The following CSMD1 variants were observed in gnomAD, a reference collection of about 807,000 sequenced individuals.
CSMD1 encodes CUB and sushi domain-containing protein 1.
A neutral mutation model predicts 417.5 loss-of-function variants in CSMD1; 213 were observed. The observed-to-expected ratio is 0.51, with a 90% CI of 0.46 to 0.57. The LOEUF is 0.57. Among genes scored for constraint, CSMD1 ranks in the 20% least tolerant of loss-of-function variants. CSMD1 has a pLI of 0.00. For missense variants in CSMD1, 6,923 were observed against 4,529.7 expected (o/e 1.53, Z -15.17); for synonymous variants, 2,862 against 1,736.8 (o/e 1.65, Z -16.11).
At chr8:4,138,439 C>G (rs1325072521) in intron 3 of CSMD1, among the ~76,000 whole-genome samples, 3 of 151,844 alleles carry the variant, frequency 2.0e-5, no homozygotes, top group Non-Finnish European at 2.9e-5. Flanking sequence ...CACCTTCTAT[C>G]AAAAAAACAC....
chr8:3,275,225 A>C (rs1802187285), intron 26 of CSMD1, among the ~76,000 whole-genome samples: 1 of 152,176 alleles, frequency 6.6e-6, no homozygotes, highest in Middle Eastern at 3.2e-3. Flanking sequence ...TGGGTTGAAA[A>C]TTCTTTTCTT....
rs373754474 is a variant in CSMD1 at position 4,898,451 on chromosome 8, A to G, written c.85+95881T>C. Among the ~76,000 whole-genome samples, 148 of 152,290 alleles carry G rather than the reference A, an allele frequency of 9.7e-4. 4 individuals carry two copies. The highest frequency in any genetic ancestry group is 3.4e-3 in the African/African-American group (140 of 41,550). On this transcript the variant is annotated intron_variant, in intron 1 of 69. Transcript: ENST00000635120. ...GGTCACAGAAGGACCGCATGGGTGTAGAAAGTGTAAGTGAGAGCCGACCAA... is the reference window on the plus strand; with the variant it reads ...GGTCACAGAAGGACCGCATGGGTGTGGAAAGTGTAAGTGAGAGCCGACCAA...
At chr8:4,063,655 C>T (rs1297827365) in intron 3 of CSMD1, among the ~76,000 whole-genome samples, 2 of 152,202 alleles carry the variant, frequency 1.3e-5, no homozygotes, top group Non-Finnish European at 2.9e-5. Context: ...TGCTGCCTCC[C>T]TGAGGGGCAT....
chr8:4,802,402 T>C (rs1231740153), intron 1 of CSMD1, among the ~76,000 whole-genome samples: 1 of 151,954 alleles, frequency 6.6e-6, no homozygotes, highest in Non-Finnish European at 1.5e-5. Flanking sequence ...AGCATCCCCG[T>C]GGTTAACTTA....
chr8:3,620,059 G>A (rs1238502828), intron 7 of CSMD1, among the ~76,000 whole-genome samples: 1 of 152,118 alleles, frequency 6.6e-6, no homozygotes, highest in Non-Finnish European at 1.5e-5. Context: ...CTGAGACTGT[G>A]CCCCTGCATT....
At chr8:4,105,804 C>A (rs757903557) in intron 3 of CSMD1, among the ~76,000 whole-genome samples, 12 of 152,334 alleles carry the variant, frequency 7.9e-5, no homozygotes, top group Non-Finnish European at 1.6e-4. Context: ...AGTGTCCTTT[C>A]CACTGAGTTA....
At chr8:3,178,939 T>C (rs1821111148) in intron 37 of CSMD1, among the ~76,000 whole-genome samples, 1 of 147,806 alleles carries the variant, frequency 6.8e-6, no homozygotes, top group Non-Finnish European at 1.5e-5. Flanking sequence ...CTTTCTATAA[T>C]CTATATTTCT....
chr8:4,119,375 G>C (rs539989705), intron 3 of CSMD1, among the ~76,000 whole-genome samples: 3 of 152,272 alleles, frequency 2.0e-5, no homozygotes, highest in African/African-American at 7.2e-5. Context: ...TTTTAAAGAG[G>C]TTGATCTACT....
chr8:4,083,833 T>A (rs1800275975), intron 3 of CSMD1, among the ~76,000 whole-genome samples: 1 of 152,036 alleles, frequency 6.6e-6, no homozygotes, highest in African/African-American at 2.4e-5. Flanking sequence ...AAGCCAAAAT[T>A]GACAAATGGG....
At chr8:3,814,706 C>G (rs1801279779) in intron 5 of CSMD1, among the ~76,000 whole-genome samples, 1 of 152,118 alleles carries the variant, frequency 6.6e-6, no homozygotes, top group African/African-American at 2.4e-5. Flanking sequence ...CTGGTGATCG[C>G]TGATTCTGAA....
At chr8:4,802,212 A>T (rs1728113074) in intron 1 of CSMD1, among the ~76,000 whole-genome samples, 1 of 152,188 alleles carries the variant, frequency 6.6e-6, no homozygotes. Flanking sequence ...TTTGCATCAA[A>T]GTACAATTGG....
intron 10 of CSMD1, among the ~76,000 whole-genome samples, chr8:3,546,207 T>C (rs1189349321): frequency 1.3e-5 from 2 of 152,042 alleles, no homozygotes; most frequent in African/African-American, 2.4e-5. Flanking sequence ...CTTAGAGAAA[T>C]TGTGTAAGGT....
intron 3 of CSMD1, among the ~76,000 whole-genome samples, chr8:4,079,298 TAAAC>T (rs1459617020): frequency 6.6e-6 from 1 of 152,162 alleles, no homozygotes; most frequent in Non-Finnish European, 1.5e-5. Flanking sequence ...CATGAGCAGA[TAAAC>T]AAATTGTGAC....
chr8:4,731,619 C>T (rs1809871205), intron 1 of CSMD1, among the ~76,000 whole-genome samples: 1 of 152,016 alleles, frequency 6.6e-6, no homozygotes, highest in Non-Finnish European at 1.5e-5. Context: ...TCAACCCATC[C>T]CTGCACTCCA....
intron 12 of CSMD1, among the ~76,000 whole-genome samples, chr8:3,433,864 C>T (rs1158132938): frequency 1.3e-5 from 2 of 152,210 alleles, no homozygotes; most frequent in East Asian, 1.9e-4. Context: ...CTGGAAATTG[C>T]TTCCTGCTTC....
At chr8:2,963,150 A>G in intron 60 of CSMD1, 72 bp downstream of exon 60, 1 of 1,524,146 alleles carries the variant, frequency 6.6e-7, no homozygotes, top group Non-Finnish European at 9.0e-7. Flanking sequence ...TTGTAACCTT[A>G]GGATGTGCCC....
chr8:4,885,475 T>A (rs1021439743), intron 1 of CSMD1, among the ~76,000 whole-genome samples: 2 of 152,050 alleles, frequency 1.3e-5, no homozygotes, highest in African/African-American at 4.8e-5. Context: ...GCAATTTTCA[T>A]AAATGTCCTT....
intron 10 of CSMD1, among the ~76,000 whole-genome samples, chr8:3,558,320 T>A (rs1378756356): frequency 1.4e-5 from 2 of 138,756 alleles, no homozygotes; most frequent in Admixed American, 8.4e-5. Flanking sequence ...CCTCCAATGA[T>A]GAATGATGCC....
At chr8:3,633,527 G>C (rs1471271920) in intron 7 of CSMD1, among the ~76,000 whole-genome samples, 2 of 152,094 alleles carry the variant, frequency 1.3e-5, no homozygotes, top group South Asian at 2.1e-4. Context: ...GAATACAATG[G>C]ACAATTGTAT....
Sources: allele counts gnomAD v4.1 joint callset (sites outside exome capture counted in the v4.1 genomes callset), GRCh38; gene constraint gnomAD v4.1.1; transcripts MANE v1.5; gene names NCBI Gene and HGNC (gene_info 2026-07-23, HGNC 2026-07-21).